Variants in ZFHX3 observed in about 807,000 individuals in gnomAD.
The protein encoded by ZFHX3 is zinc finger homeobox protein 3.
ZFHX3 carries 42 observed loss-of-function variants against 279.1 expected under a neutral mutation model. That is an observed-to-expected ratio of 0.15 (90% CI 0.12 to 0.19). The LOEUF is 0.19. Among genes scored for constraint, ZFHX3 ranks in the 10% least tolerant of loss-of-function variants. The pLI is 1.00. For synonymous variants in ZFHX3, 2,293 were observed against 1,957.8 expected, an observed-to-expected ratio of 1.17 and a Z score of -4.52; for missense variants, 4,981 against 4,754.0, an observed-to-expected ratio of 1.05 and a Z score of -1.40.
intron 1 of ZFHX3, among the ~76,000 whole-genome samples, chr16:73,692,620 C>A (rs1456173370): frequency 6.6e-6 from 1 of 152,226 alleles, no homozygotes; most frequent in East Asian, 1.9e-4. Flanking sequence ...CATTTCTCAA[C>A]TGAATTATGG....
chr16:73,536,961 C>T (rs1462994509), intron 2 of ZFHX3, among the ~76,000 whole-genome samples: 1 of 152,186 alleles, frequency 6.6e-6, no homozygotes, highest in Non-Finnish European at 1.5e-5. Flanking sequence ...AAGAAACTCA[C>T]ACAGTGAGCA....
chr16:73,760,647 C>A (rs1041322081), intron 1 of ZFHX3, among the ~76,000 whole-genome samples: 2 of 152,136 alleles, frequency 1.3e-5, no homozygotes, highest in African/African-American at 4.8e-5. Flanking sequence ...GGCTTGATTG[C>A]CGGGATGCAA....
upstream of ZFHX3, chr16:73,061,405 A>G (rs1204638248): frequency 6.7e-6 from 1 of 149,862 alleles, no homozygotes; most frequent in Non-Finnish European, 1.5e-5. Context: ...GAAGGATGAA[A>G]CATTCCTACA....
chr16:73,276,909 G>A (rs879355603), intron 4 of ZFHX3, among the ~76,000 whole-genome samples: 3 of 152,168 alleles, frequency 2.0e-5, no homozygotes, highest in African/African-American at 7.2e-5. Context: ...CCTCTGCCAT[G>A]TTCCTTTCTA....
chr16:73,715,836 T>C (rs2053409417), intron 1 of ZFHX3, among the ~76,000 whole-genome samples: 1 of 152,042 alleles, frequency 6.6e-6, no homozygotes, highest in Admixed American at 6.6e-5. Flanking sequence ...GCTCCCAAAG[T>C]GCTGGGATTA....
chr16:73,033,320 C>T (rs1056390010), intron 1 of ZFHX3, among the ~76,000 whole-genome samples: 1 of 152,148 alleles, frequency 6.6e-6, no homozygotes, highest in African/African-American at 2.4e-5. Context: ...GGAGAAACTT[C>T]CCCTCCCTTC....
intron 1 of ZFHX3, among the ~76,000 whole-genome samples, chr16:73,838,849 G>A (rs1250957231): frequency 6.6e-6 from 1 of 152,054 alleles, no homozygotes; most frequent in African/African-American, 2.4e-5. Flanking sequence ...GGAGTTCTCT[G>A]AAGCCAGAGG....
chr16:73,319,401 A>T (rs2015526119), intron 3 of ZFHX3, among the ~76,000 whole-genome samples: 1 of 152,056 alleles, frequency 6.6e-6, no homozygotes, highest in South Asian at 2.1e-4. Context: ...GGGGATAGGG[A>T]AGGAGAATCC....
chr16:73,744,042 G>A (rs1173063159), intron 1 of ZFHX3, among the ~76,000 whole-genome samples: 2 of 152,132 alleles, frequency 1.3e-5, no homozygotes, highest in African/African-American at 2.4e-5. Context: ...CCCCGCCACA[G>A]ATCCAACAAA....
intron 2 of ZFHX3, among the ~76,000 whole-genome samples, chr16:73,641,392 A>C (rs1313280951): frequency 6.6e-6 from 1 of 152,130 alleles, no homozygotes; most frequent in African/African-American, 2.4e-5. Flanking sequence ...GCTGGAGTGG[A>C]GACATGCGGC....
At chr16:73,822,231 A>G (rs769640926) in intron 1 of ZFHX3, among the ~76,000 whole-genome samples, 2 of 152,038 alleles carry the variant, frequency 1.3e-5, no homozygotes, top group Non-Finnish European at 2.9e-5. Flanking sequence ...TCTTCCTGGG[A>G]TGAGAACCCA....
At chr16:73,392,572 G>T (rs1280065370) in intron 3 of ZFHX3, among the ~76,000 whole-genome samples, 1 of 151,940 alleles carries the variant, frequency 6.6e-6, no homozygotes, top group Non-Finnish European at 1.5e-5. Context: ...GGGATTTTGG[G>T]GGAGAAATTA....
At chr16:73,415,038 G>C (rs1040524614) in intron 3 of ZFHX3, among the ~76,000 whole-genome samples, 1 of 152,152 alleles carries the variant, frequency 6.6e-6, no homozygotes, top group African/African-American at 2.4e-5. Flanking sequence ...ATCAATTCCT[G>C]GGTGTCTAGC....
chr16:73,419,921 T>C lies in ZFHX3; in HGVS notation c.-1291+36082A>G, dbSNP rs181221631. ...TATAGATAGATAATTTTTTTTTTTT[T>C]CTGGAGACAGGGTCTCACTCTGTCA... On this transcript the variant is annotated intron_variant, in intron 3 of 17. Coordinates refer to the ZFHX3 transcript ENST00000641206. 5.4e-3 allele frequency among the ~76,000 whole-genome samples: 816 copies of C among 150,756 alleles called. 1 individual carries two copies. The highest frequency in any genetic ancestry group is 8.4e-3 in the Non-Finnish European group (567 of 67,902).
chr16:73,011,058 T>C (rs1026847951), intron 1 of ZFHX3, among the ~76,000 whole-genome samples: 18 of 152,150 alleles, frequency 1.2e-4, no homozygotes, highest in Non-Finnish European at 2.6e-4. Context: ...CTTGGCTCAC[T>C]GCAACCTCGA....
chr16:73,781,593 G>A (rs1959474122), intron 1 of ZFHX3, among the ~76,000 whole-genome samples: 1 of 152,118 alleles, frequency 6.6e-6, no homozygotes, highest in African/African-American at 2.4e-5. Flanking sequence ...ATTTACTACT[G>A]GGTCCTTTAC....
rs117928885 is a variant in ZFHX3 at position 73,110,555 on chromosome 16, T to C, written c.-896-16957A>G. Among the ~76,000 whole-genome samples, 1,470 of 152,304 alleles carry C rather than the reference T, an allele frequency of 9.7e-3. 15 individuals carry two copies. Among genetic ancestry groups the C allele is most frequent in the Middle Eastern group, 0.02 (6 of 294 alleles). ...CCATACACTCTTTACACAGGATCAC[T>C]AATTCTTTGTATTTTGTCCCAGCTT... On this transcript the variant is annotated intron_variant, in intron 7 of 17. Transcript: ENST00000641206.
chr16:72,877,048 G>A (rs775935141), intron 4 of ZFHX3, among the ~76,000 whole-genome samples: 3 of 152,146 alleles, frequency 2.0e-5, no homozygotes, highest in African/African-American at 4.8e-5. Context: ...GCCCCTGCAC[G>A]CCATCTACCA....
chr16:73,225,459 A>G lies in ZFHX3; in HGVS notation c.-1104+31588T>C, dbSNP rs532938282. 2.0e-5 allele frequency among the ~76,000 whole-genome samples: 3 copies of G among 152,234 alleles called. No homozygotes were observed. In the East Asian group the frequency reaches 5.8e-4, roughly 29 times the overall value. ...AGGGAGATCTTGCTGGTATGGTGGC[A>G]CACACCCATGGTACCAGCTACTCAG... On this transcript the variant is annotated intron_variant, in intron 5 of 17. Transcript: ENST00000641206.
Sources: gnomAD v4.1 joint callset for allele counts (sites outside exome capture counted in the v4.1 genomes callset) on GRCh38, gnomAD v4.1.1 for gene constraint, MANE v1.5 for transcripts, NCBI Gene and HGNC (gene_info 2026-07-23, HGNC 2026-07-21) for gene names.